The following DAPK1 variants were observed in gnomAD, a reference collection of about 807,000 sequenced individuals.
DAPK1 encodes death-associated protein kinase 1.
Under a neutral mutation model 144.9 loss-of-function variants are expected in DAPK1, and 56 were observed. The ratio of observed to expected loss-of-function variants is 0.39; its 90% CI spans 0.31 to 0.48. The LOEUF (loss-of-function observed/expected upper bound fraction) is 0.48. Ranked by LOEUF, DAPK1 falls within the 20% of genes least tolerant of loss-of-function variation. The probability of loss-of-function intolerance (pLI) is 0.95; values close to 1 mark genes in which losing one functional copy is unlikely to be tolerated. For missense variants in DAPK1, 1,454 were observed against 1,875.4 expected, an observed-to-expected ratio of 0.78 and a Z score of 4.15; for synonymous variants, 690 against 749.0, an observed-to-expected ratio of 0.92 and a Z score of 1.29.
intron 3 of DAPK1, among the ~76,000 whole-genome samples, chr9:87,629,446 A>G (rs1386275197): frequency 6.6e-6 from 1 of 152,200 alleles, no homozygotes; most frequent in Non-Finnish European, 1.5e-5. Flanking sequence ...ATTTTAAGCC[A>G]CCCAATTTGT....
intron 11 of DAPK1, among the ~76,000 whole-genome samples, chr9:87,644,417 G>A (rs901758380): frequency 5.3e-5 from 8 of 152,160 alleles, no homozygotes; most frequent in African/African-American, 1.4e-4. Context: ...GCATTTTCCC[G>A]GTGGAGCCAA....
At chr9:87,548,922 T>C (rs1261307248) in intron 2 of DAPK1, among the ~76,000 whole-genome samples, 3 of 81,254 alleles carry the variant, frequency 3.7e-5, no homozygotes, top group Non-Finnish European at 9.6e-5. Flanking sequence ...CCTTTTTTTT[T>C]TTTTTTTTTT....
intron 19 of DAPK1, among the ~76,000 whole-genome samples, chr9:87,674,744 T>C (rs1824302012): frequency 6.6e-6 from 1 of 152,180 alleles, no homozygotes; most frequent in African/African-American, 2.4e-5. Flanking sequence ...CTCTCAGTGC[T>C]CTTATCTGGC....
At chr9:87,682,475 G>C (rs764995656) in intron 20 of DAPK1, among the ~76,000 whole-genome samples, 1 of 152,148 alleles carries the variant, frequency 6.6e-6, no homozygotes, top group Non-Finnish European at 1.5e-5. Context: ...AGAAGAGCCA[G>C]GTCTGTTCCC....
rs36216776 is a variant in DAPK1, at chr9:87,670,774, G to A, written c.2001+2100G>A. On this transcript the variant is annotated intron_variant, in intron 19 of 25. Coordinates refer to ENST00000408954, the MANE Select transcript of DAPK1 (RefSeq NM_004938.4). ...CTAAGAAACTGTATTACAGAGCAGG[G>A]GCCAGGGGGACCTGCAGTCAGCTCA... Among the ~76,000 whole-genome samples, 276 of 152,208 alleles carry A rather than the reference G, an allele frequency of 1.8e-3. 10 individuals are homozygous for A. In the East Asian group the frequency reaches 0.045, roughly 25 times the overall value.
chr9:87,571,778 G>T (rs192351935), intron 2 of DAPK1, among the ~76,000 whole-genome samples: 2 of 152,152 alleles, frequency 1.3e-5, no homozygotes, highest in African/African-American at 4.8e-5. Flanking sequence ...AGTTTTGGGG[G>T]ATACCCTTGA....
At chr9:87,555,839 T>C (rs1826693824) in intron 2 of DAPK1, among the ~76,000 whole-genome samples, 1 of 152,188 alleles carries the variant, frequency 6.6e-6, no homozygotes. Context: ...AAATATGCAG[T>C]CATGCAAGAG....
rs1378444958 is a variant in DAPK1, at chr9:87,681,579, C to T, written c.2177C>T (p.Thr726Ile). The T allele has an allele frequency of 3.7e-6, 6 of 1,611,516 alleles. No homozygotes were observed. The East Asian group carries it at 1.1e-4, about 30-fold the overall frequency. ...AGGCGTCGGCCCAGACTGTCTTCCACCAACTCCAGCAGGTTCCCACCTTCA... is the reference window on the plus strand; with the variant it reads ...AGGCGTCGGCCCAGACTGTCTTCCATCAACTCCAGCAGGTTCCCACCTTCA... ...FRRRRPRLSS[T>I]NSSRFPPSPL... Residue 726 changes from threonine to isoleucine, a missense_variant, in exon 20 of 26, where the codon ACC becomes ATC. Physicochemically the swap from Thr to Ile is moderately conservative, Grantham distance 89 (BLOSUM62 -1). Transcript: ENST00000408954.
intron 21 of DAPK1, among the ~76,000 whole-genome samples, chr9:87,688,252 T>G (rs1824936129): frequency 6.6e-6 from 1 of 152,228 alleles, no homozygotes; most frequent in Non-Finnish European, 1.5e-5. Context: ...CCATTCATGT[T>G]GCTGCAAAGG....
At chr9:87,563,603 T>G (rs954166958) in intron 2 of DAPK1, among the ~76,000 whole-genome samples, 1 of 152,140 alleles carries the variant, frequency 6.6e-6, no homozygotes, top group African/African-American at 2.4e-5. Context: ...TGCTTTTATG[T>G]AAAGATGCTC....
At chr9:87,526,986 C>T (rs1825536126) in intron 2 of DAPK1, among the ~76,000 whole-genome samples, 1 of 152,110 alleles carries the variant, frequency 6.6e-6, no homozygotes, top group Admixed American at 6.5e-5. Flanking sequence ...CAGTGGGGGC[C>T]AAGAAGGAAG....
At chr9:87,555,878 A>G (rs778565289) in intron 2 of DAPK1, among the ~76,000 whole-genome samples, 18 of 152,250 alleles carry the variant, frequency 1.2e-4, no homozygotes, top group Admixed American at 2.0e-4. Context: ...CCGGCTAACT[A>G]AAAGCTAGGC....
chr9:87,693,827 T>A (rs1025676761), intron 21 of DAPK1, among the ~76,000 whole-genome samples: 1 of 152,164 alleles, frequency 6.6e-6, no homozygotes, highest in African/African-American at 2.4e-5. Flanking sequence ...TTTTTTCAGC[T>A]GTAAGCAGCT....
intron 2 of DAPK1, among the ~76,000 whole-genome samples, chr9:87,570,528 TA>T (rs142039476): frequency 6.6e-6 from 1 of 152,006 alleles, no homozygotes; most frequent in Non-Finnish European, 1.5e-5. Flanking sequence ...ATTTTGTATG[TA>T]AAAAAAACCC....
intron 18 of DAPK1, among the ~76,000 whole-genome samples, chr9:87,660,247 G>A (rs1231030280): frequency 2.6e-5 from 4 of 152,000 alleles, no homozygotes; most frequent in Non-Finnish European, 5.9e-5. Flanking sequence ...GCAGGGAACC[G>A]GGGCTTCCTC....
intron 2 of DAPK1, among the ~76,000 whole-genome samples, chr9:87,549,085 C>T (rs1346831568): frequency 6.6e-6 from 1 of 152,010 alleles, no homozygotes; most frequent in East Asian, 1.9e-4. Flanking sequence ...CTTCCTGATG[C>T]TCTCCCTCCC....
intron 2 of DAPK1, among the ~76,000 whole-genome samples, chr9:87,531,772 T>G (rs577503230): frequency 5.2e-4 from 79 of 152,280 alleles, no homozygotes; most frequent in Non-Finnish European, 9.7e-4. Flanking sequence ...CCTGTGAACA[T>G]AAAGGAATGT....
intron 2 of DAPK1, among the ~76,000 whole-genome samples, chr9:87,534,104 C>G (rs1257074969): frequency 1.3e-5 from 1 of 74,416 alleles, no homozygotes; most frequent in African/African-American, 4.8e-5. Flanking sequence ...CAATTTCTTG[C>G]GATTTTTTTT....
Position 87,571,468 on chromosome 9 carries a change from CACACACCA to C in DAPK1, c.63-33479_63-33472del, listed in dbSNP as rs1401842854. On this transcript the variant is annotated intron_variant, in intron 2 of 25. Coordinates refer to ENST00000408954, the MANE Select transcript of DAPK1 (RefSeq NM_004938.4). ...ACACACACACACACACACACACACA[CACACACCA>C]ACACACACACACACACACCCCAACA... 2.6e-4 allele frequency among the ~76,000 whole-genome samples: 15 copies of C among 56,872 alleles called. 1 individual carries two copies. The highest frequency in any genetic ancestry group is 7.9e-4 in the African/African-American group (9 of 11,358). The allele number at this position is 56,872 out of a possible 152,430, so 37.3% of individuals were successfully genotyped here.
Sources: gnomAD v4.1 joint callset for allele counts (sites outside exome capture counted in the v4.1 genomes callset) on GRCh38, gnomAD v4.1.1 for gene constraint, MANE v1.5 for transcripts, NCBI Gene and HGNC (gene_info 2026-07-23, HGNC 2026-07-21) for gene names.